The following ROBO2 variants were observed in gnomAD, a reference collection of about 807,000 sequenced individuals.
The protein encoded by ROBO2 is roundabout homolog 2.
In ROBO2, 53 loss-of-function variants were observed where a neutral mutation model predicts 160.8. The ratio of observed to expected loss-of-function variants is 0.33; its 90% CI spans 0.26 to 0.41. ROBO2 has a LOEUF of 0.41. Ranked by LOEUF, ROBO2 falls within the 10% of genes least tolerant of loss-of-function variation. The pLI is 1.00. For missense variants in ROBO2, 1,577 were observed against 1,722.4 expected, an observed-to-expected ratio of 0.92 and a Z score of 1.49; for synonymous variants, 664 against 611.7, an observed-to-expected ratio of 1.09 and a Z score of -1.26.
intron 2 of ROBO2, among the ~76,000 whole-genome samples, chr3:77,136,976 G>T (rs2076330478): frequency 6.6e-6 from 1 of 152,072 alleles, no homozygotes; most frequent in Non-Finnish European, 1.5e-5. Flanking sequence ...TAGAGACAGG[G>T]TGTTATTATG....
intron 2 of ROBO2, among the ~76,000 whole-genome samples, chr3:77,104,713 C>G (rs1579010335): frequency 6.6e-6 from 1 of 152,206 alleles, no homozygotes; most frequent in Non-Finnish European, 1.5e-5. Flanking sequence ...CTGTATCCAA[C>G]TCACCTCTCA....
intron 2 of ROBO2, among the ~76,000 whole-genome samples, chr3:77,335,077 T>A (rs2066353098): frequency 6.6e-6 from 1 of 152,150 alleles, no homozygotes. Context: ...TACACTTAGT[T>A]TATGCTTTTG....
upstream of ROBO2, among the ~76,000 whole-genome samples, chr3:77,039,163 T>C (rs1339519212): frequency 2.0e-5 from 3 of 152,228 alleles, no homozygotes; most frequent in African/African-American, 7.2e-5. Context: ...AATGAGCCGC[T>C]GGAGGTTAGA....
At chr3:75,924,813 C>T (rs376140566) in intron 1 of ROBO2, among the ~76,000 whole-genome samples, 4 of 149,946 alleles carry the variant, frequency 2.7e-5, no homozygotes, top group Non-Finnish European at 5.9e-5. Flanking sequence ...CTCAGCCTCC[C>T]GAGTAGCTGG....
intron 2 of ROBO2, among the ~76,000 whole-genome samples, chr3:76,787,179 A>G (rs1335299844): frequency 6.6e-6 from 1 of 151,332 alleles, no homozygotes; most frequent in Non-Finnish European, 1.5e-5. Context: ...ACAATTCAAC[A>G]TGAGATTTGG....
intron 2 of ROBO2, among the ~76,000 whole-genome samples, chr3:76,880,548 T>C (rs2073231877): frequency 6.6e-6 from 1 of 152,182 alleles, no homozygotes; most frequent in Non-Finnish European, 1.5e-5. Context: ...AACTAGTTCA[T>C]TAGACATGTT....
rs187639849 is a variant in ROBO2 at position 76,221,520 on chromosome 3, A to G, written c.109+283918A>G. Reference sequence around the variant, plus strand: ...TGCCACTCTCATTTTCCACGCTTTGATTCCTGAACCCATTAATTGTGGCTG... The same window carrying G: ...TGCCACTCTCATTTTCCACGCTTTGGTTCCTGAACCCATTAATTGTGGCTG... On this transcript the variant is annotated intron_variant, in intron 2 of 26. Transcript: ENST00000487694. Among the ~76,000 whole-genome samples, 18 of 152,308 alleles carry G rather than the reference A, an allele frequency of 1.2e-4. No individual in the cohort carries two copies. The East Asian group carries it at 3.5e-3, about 29-fold the overall frequency.
chr3:77,471,026 G>A (rs2083299065), intron 2 of ROBO2, among the ~76,000 whole-genome samples: 1 of 152,098 alleles, frequency 6.6e-6, no homozygotes, highest in Non-Finnish European at 1.5e-5. Flanking sequence ...GTTGTGGATG[G>A]TATTCTTTAT....
intron 2 of ROBO2, among the ~76,000 whole-genome samples, chr3:77,268,290 G>A (rs1243425029): frequency 6.6e-6 from 1 of 152,022 alleles, no homozygotes; most frequent in African/African-American, 2.4e-5. Context: ...TTATTCTCAT[G>A]TAGAAGCAAG....
chr3:76,838,364 G>C (rs1480884696), intron 2 of ROBO2, among the ~76,000 whole-genome samples: 1 of 152,020 alleles, frequency 6.6e-6, no homozygotes, highest in Non-Finnish European at 1.5e-5. Flanking sequence ...ACCTTCACAT[G>C]TACCCCAGAA....
chr3:76,822,225 G>C (rs2066182575), intron 2 of ROBO2, among the ~76,000 whole-genome samples: 1 of 151,854 alleles, frequency 6.6e-6, no homozygotes, highest in Non-Finnish European at 1.5e-5. Flanking sequence ...TTTTCCATTA[G>C]ACTGTAAGAT....
intron 2 of ROBO2, among the ~76,000 whole-genome samples, chr3:77,435,238 A>G (rs1232159456): frequency 1.3e-5 from 2 of 152,002 alleles, no homozygotes; most frequent in Non-Finnish European, 2.9e-5. Context: ...TATTTTAAGT[A>G]TCTTATACTG....
intron 2 of ROBO2, among the ~76,000 whole-genome samples, chr3:76,682,478 G>A (rs1030262571): frequency 2.0e-5 from 3 of 151,868 alleles, no homozygotes; most frequent in Non-Finnish European, 4.4e-5. Context: ...GCACGATCTC[G>A]GTTCACTGTG....
chr3:77,208,987 T>C (rs2083770225), intron 2 of ROBO2, among the ~76,000 whole-genome samples: 1 of 152,204 alleles, frequency 6.6e-6, no homozygotes, highest in Non-Finnish European at 1.5e-5. Context: ...GCTTATGTAT[T>C]ACAAAAAATT....
chr3:76,426,161 ACT>A (rs1344869939), intron 2 of ROBO2, among the ~76,000 whole-genome samples: 3 of 151,796 alleles, frequency 2.0e-5, no homozygotes, highest in Non-Finnish European at 4.4e-5. Context: ...AGTTTGGAAA[ACT>A]CTGTGTTAAA....
In ROBO2 at chr3:76,298,568, G is replaced by T. The variant is rs1709200252; in HGVS notation, c.109+360966G>T. 2.6e-5 allele frequency among the ~76,000 whole-genome samples: 4 copies of T among 152,192 alleles called. No homozygotes were observed. In the South Asian group the frequency reaches 8.3e-4, roughly 31 times the overall value. ...ACTTGTTCAACAATTTGAAGTCAAA[G>T]AATGCACAGAGGTGAGGAAGGCTAA... On this transcript the variant is annotated intron_variant, in intron 2 of 26. Transcript: ENST00000487694.
rs139658143 is a variant in ROBO2 at position 76,121,694 on chromosome 3, A to G, written c.109+184092A>G. ...TACTCTTCATTTACCCTGGAGAAAA[A>G]CTCATCTGAATAGTTATTCTTTTTA... On this transcript the variant is annotated intron_variant, in intron 2 of 26. Transcript: ENST00000487694. 2.6e-3 allele frequency among the ~76,000 whole-genome samples: 390 copies of G among 152,118 alleles called. 3 individuals carry two copies. Among genetic ancestry groups the G allele is most frequent in the South Asian group, 0.019 (90 of 4,818 alleles).
intron 2 of ROBO2, among the ~76,000 whole-genome samples, chr3:76,078,806 G>T (rs2068725531): frequency 6.6e-6 from 1 of 152,104 alleles, no homozygotes; most frequent in African/African-American, 2.4e-5. Context: ...TCAATTTTTA[G>T]TTTTTTGAGG....
chr3:76,356,991 C>G (rs1212747909), intron 2 of ROBO2, among the ~76,000 whole-genome samples: 1 of 151,684 alleles, frequency 6.6e-6, no homozygotes, highest in African/African-American at 2.4e-5. Context: ...TTTACAACCT[C>G]AAATTCCTAA....
Sources: allele counts gnomAD v4.1 joint callset (sites outside exome capture counted in the v4.1 genomes callset), GRCh38; gene constraint gnomAD v4.1.1; transcripts MANE v1.5; gene names NCBI Gene and HGNC (gene_info 2026-07-23, HGNC 2026-07-21).